Variants in AP3B2 observed in about 807,000 individuals in gnomAD.
AP3B2 encodes the protein AP-3 complex subunit beta-2.
Under a neutral mutation model 126.9 loss-of-function variants are expected in AP3B2, and 50 were observed. The ratio of observed to expected loss-of-function variants is 0.39; its 90% CI spans 0.31 to 0.50. The LOEUF (loss-of-function observed/expected upper bound fraction) is 0.50. Ranked by LOEUF, AP3B2 falls within the 20% of genes least tolerant of loss-of-function variation. AP3B2 has a pLI of 0.79. For missense variants in AP3B2, 1,177 were observed against 1,426.4 expected (o/e 0.83, Z 2.82); for synonymous variants, 541 against 565.0 (o/e 0.96, Z 0.60).
intron 1 of AP3B2, chr15:82,692,288 G>A (rs1258478536): frequency 1.0e-5 from 7 of 703,470 alleles, no homozygotes; most frequent in Non-Finnish European, 1.6e-5. Context: ...TGTAGAAAAG[G>A]TCTTCCACGT....
intron 1 of AP3B2, among the ~76,000 whole-genome samples, chr15:82,702,140 G>T (rs1468092613): frequency 6.6e-6 from 1 of 152,046 alleles, no homozygotes; most frequent in Non-Finnish European, 1.5e-5. Context: ...CACTTCTGTG[G>T]CTTTAATTAA....
chr15:82,688,217 A>G (rs1249473051), intron 4 of AP3B2: 1 of 543,848 alleles, frequency 1.8e-6, no homozygotes, highest in African/African-American at 1.9e-5. Context: ...TTTACCCTCA[A>G]GATGTCTTAG....
At chr15:82,702,574 TC>T (rs1307173128) in intron 1 of AP3B2, among the ~76,000 whole-genome samples, 1 of 151,890 alleles carries the variant, frequency 6.6e-6, no homozygotes, top group Non-Finnish European at 1.5e-5. Context: ...GCACCTTGTG[TC>T]CCCCGCCCCT....
intron 4 of AP3B2, chr15:82,687,419 G>A (rs1363706386): frequency 6.6e-6 from 1 of 152,212 alleles, no homozygotes; most frequent in Admixed American, 6.5e-5. Flanking sequence ...TTTTCTAAAA[G>A]GGGGACAGGG....
intron 21 of AP3B2, 48 bp downstream of exon 21, chr15:82,663,512 T>C (rs2047994240): frequency 5.6e-6 from 9 of 1,593,600 alleles, no homozygotes; most frequent in Non-Finnish European, 7.7e-6. Flanking sequence ...TTCTAATTCA[T>C]GCTCCCCAGG....
intron 1 of AP3B2, 87 bp downstream of exon 1, chr15:82,709,507 G>A: frequency 2.1e-6 from 2 of 944,530 alleles, no homozygotes; most frequent in Non-Finnish European, 2.7e-6. Context: ...GGCCGGCGCT[G>A]GGGCCGGGCG....
At chr15:82,676,355 C>CA in intron 14 of AP3B2, 106 bp downstream of exon 14, 1 of 1,234,914 alleles carries the variant, frequency 8.1e-7, no homozygotes, top group Non-Finnish European at 1.1e-6. Flanking sequence ...TCTTCTTTTC[C>CA]AAAATAGGAG....
intron 1 of AP3B2, chr15:82,692,204 CT>C: frequency 7.4e-7 from 1 of 1,348,560 alleles, no homozygotes; most frequent in East Asian, 2.4e-5. Flanking sequence ...CTCGGGGGTC[CT>C]CAAAGCGCAC....
chr15:82,695,287 A>G (rs2048615263), intron 1 of AP3B2, among the ~76,000 whole-genome samples: 1 of 151,648 alleles, frequency 6.6e-6, no homozygotes, highest in Admixed American at 6.6e-5. Context: ...TTTAATAGAG[A>G]TGGGTTTCAT....
At chr15:82,689,510 T>G in intron 1 of AP3B2, 57 bp from the exon 2 acceptor site, 1 of 1,540,896 alleles carries the variant, frequency 6.5e-7, no homozygotes. Context: ...GGGGTATTAA[T>G]CAGGAGGGTC....
intron 1 of AP3B2, among the ~76,000 whole-genome samples, chr15:82,708,111 T>A (rs1055389269): frequency 6.6e-6 from 1 of 151,908 alleles, no homozygotes; most frequent in African/African-American, 2.4e-5. Flanking sequence ...AACTGAAGAG[T>A]GAAAATGGCC....
At position 82,665,107 on chromosome 15, in the gene AP3B2, A is replaced by G; in HGVS notation, c.2028+140T>C. ...GAAAGGGGCACTGTCCATGGAGGGG[A>G]GGGAATGCTGCTCACAGAGGAGCAC... On this transcript the variant is annotated intron_variant, in intron 17 of 26. Transcript: ENST00000535359. This position sits in a 1 kb window ranked among gnomAD's most constrained non-coding sequence, Gnocchi z 4.4. 9.4e-7 allele frequency: 1 copy of G among 1,064,514 alleles called. No individual in the cohort carries two copies. The highest frequency in any genetic ancestry group is 1.4e-6 in the Non-Finnish European group (1 of 726,966). The allele number at this position is 1,064,514 out of a possible 1,614,324, so 65.9% of individuals were successfully genotyped here.
intron 1 of AP3B2, among the ~76,000 whole-genome samples, chr15:82,694,446 G>C (rs1185523964): frequency 6.6e-6 from 1 of 152,064 alleles, no homozygotes; most frequent in Non-Finnish European, 1.5e-5. Context: ...AGCACTTTGG[G>C]AGACTGAGGC....
chr15:82,688,736 C>G lies in AP3B2; in HGVS notation c.360G>C (p.Lys120Asn). The change falls in exon 4 of 27, where the codon AAG becomes AAC. Residue 120 changes from lysine to asparagine, a missense_variant and splice_region_variant. Transcript: ENST00000535359. The stretch of plus-strand genomic sequence containing the variant: ...TGGGAGGCAAACTGAGACCCCTGAC[C>G]TTTAGGCCACGTTGGAAGGTGGAGA... ...LSISTFQRGL[K>N]DPNQLIRASA... 1 of 1,610,378 alleles carries G rather than the reference C, an allele frequency of 6.2e-7. No individual in the cohort carries two copies. Among genetic ancestry groups the G allele is most frequent in the Non-Finnish European group, 8.5e-7 (1 of 1,178,444 alleles).
chr15:82,682,963 G>T (rs943567446), intron 4 of AP3B2, among the ~76,000 whole-genome samples: 2 of 146,684 alleles, frequency 1.4e-5, no homozygotes, highest in Admixed American at 1.4e-4. Flanking sequence ...CTTAAACTCT[G>T]CCTCTGCTTT....
chr15:82,700,977 C>T (rs376355921), intron 1 of AP3B2, among the ~76,000 whole-genome samples: 1 of 152,206 alleles, frequency 6.6e-6, no homozygotes, highest in African/African-American at 2.4e-5. Flanking sequence ...TCTCCTGCCT[C>T]AGCCTCCTGA....
Position 82,664,865 on chromosome 15 carries a change from C to A in AP3B2, c.2107G>T (p.Glu703Ter). The change falls in exon 18 of 27, where the codon GAG (glutamate) becomes TAG (stop). Residue 703 changes from glutamate to a stop codon, truncating the protein, a stop_gained. Transcript: ENST00000535359. LOFTEE classifies it high-confidence loss of function. This position sits in a 1 kb window ranked among gnomAD's most constrained non-coding sequence, Gnocchi z 4.5. ...TCTGCGGACTCCGTGGGGCCTGACT[C>A]CCCCTCAGAGTCCGAGTAGAAGGGT... ...EKPFYSDSEGESGPTESADSD... is the reference protein window; with the variant it reads ...EKPFYSDSEG 6.2e-7 allele frequency: 1 copy of A among 1,601,532 alleles called. No homozygotes were observed. Among genetic ancestry groups the A allele is most frequent in the Non-Finnish European group, 8.5e-7 (1 of 1,174,060 alleles).
chr15:82,704,851 T>C (rs986109773), intron 1 of AP3B2, among the ~76,000 whole-genome samples: 5 of 152,244 alleles, frequency 3.3e-5, no homozygotes, highest in African/African-American at 1.2e-4. Flanking sequence ...CCACATTACC[T>C]TCTTTTCAAA....
rs1033207460 is a variant in AP3B2 at position 82,664,916 on chromosome 15, G to A, written c.2056C>T (p.Arg686Trp). ...EVPEWTKCSN[R>W]EKRKEKEKPF... ...TTTTCCTTCTCCTTTCTCTTCTCCC[G>A]ATTTGAGCACTTGGTCCATTCAGGT... is the stretch of plus-strand genomic sequence containing the variant. The change falls in exon 18 of 27, where the codon CGG becomes TGG. Residue 686 changes from arginine (R) to tryptophan (W), a missense_variant. Arg to Trp is a moderately radical substitution (Grantham distance 101, BLOSUM62 -3). Coordinates refer to ENST00000535359, the MANE Select transcript of AP3B2 (RefSeq NM_001278512.2). The surrounding 1 kb of genome is among the most constrained non-coding windows in gnomAD (Gnocchi z 4.5). 33 of 1,608,622 alleles carry A rather than the reference G, an allele frequency of 2.1e-5. No homozygotes were observed. The Middle Eastern group carries it at 5.0e-4, about 24-fold the overall frequency.
Sources: gnomAD v4.1 joint callset for allele counts (sites outside exome capture counted in the v4.1 genomes callset) on GRCh38, gnomAD v4.1.1 for gene constraint, Gnocchi (gnomAD v3.1) non-coding constraint, MANE v1.5 for transcripts, NCBI Gene and HGNC (gene_info 2026-07-23, HGNC 2026-07-21) for gene names.